DHX34: variants seen among roughly 807,000 people sequenced by gnomAD.
DHX34 encodes the protein DExH-box helicase 34.
In DHX34, 96 loss-of-function variants were observed where a neutral mutation model predicts 111.1. That is an observed-to-expected ratio of 0.86 (90% CI 0.73 to 1.02). The LOEUF (loss-of-function observed/expected upper bound fraction) is 1.02, where lower values mean the gene tolerates loss of function less well. DHX34 is among the 50% of genes least tolerant of loss of function. The pLI, the probability that DHX34 is intolerant of heterozygous loss-of-function variation, is 0.00. For missense variants in DHX34, 1,560 were observed against 1,579.9 expected, an observed-to-expected ratio of 0.99 and a Z score of 0.21; for synonymous variants, 688 against 670.4, an observed-to-expected ratio of 1.03 and a Z score of -0.41.
At chr19:47,354,569 G>A (rs922251307) in intron 2 of DHX34, among the ~76,000 whole-genome samples, 4 of 152,222 alleles carry the variant, frequency 2.6e-5, no homozygotes, top group Admixed American at 1.3e-4. Flanking sequence ...TTGGCACTAA[G>A]TGGCAGAGGT....
At chr19:47,374,150 A>C (rs1476365225) in intron 9 of DHX34, among the ~76,000 whole-genome samples, 1 of 152,112 alleles carries the variant, frequency 6.6e-6, no homozygotes, top group Admixed American at 6.5e-5. Context: ...TAAAAATAGC[A>C]CTTGCCAGCC....
chr19:47,376,129 G>T (rs1035882122), intron 11 of DHX34, 32 bp downstream of exon 11: 1 of 1,525,930 alleles, frequency 6.6e-7, no homozygotes, highest in Non-Finnish European at 8.8e-7. Context: ...CCTATGTTTT[G>T]TCCTCCAACA....
In DHX34 at chr19:47,376,122, A is replaced by G. The variant is rs140156879; in HGVS notation, c.2481+25A>G. On this transcript the variant is annotated intron_variant, in intron 11 of 16. Coordinates refer to ENST00000328771, the MANE Select transcript of DHX34 (RefSeq NM_014681.6). ...GGTGGGGCCTGTTCTGCCCCATCCT[A>G]TGTTTTGTCCTCCAACACACGAACC... is the stretch of plus-strand genomic sequence containing the variant. 2.0e-4 allele frequency: 310 copies of G among 1,529,220 alleles called. 1 individual carries two copies. In the African/African-American group the frequency reaches 3.0e-3, roughly 15 times the overall value. The allele number at this position is 1,529,220 out of a possible 1,614,324, so 94.7% of individuals were successfully genotyped here.
Position 47,376,055 on chromosome 19 carries a change from C to T in DHX34, c.2439C>T (p.Ala813=), listed in dbSNP as rs777759990. 2.4e-5 allele frequency: 38 copies of T among 1,583,036 alleles called. No homozygotes were observed. The highest frequency in any genetic ancestry group is 1.5e-4 in the South Asian group (13 of 88,468). The change falls in exon 11 of 17, where the codon GCC becomes GCT. Residue 813 remains alanine, a synonymous_variant. Coordinates refer to ENST00000328771, the MANE Select transcript of DHX34 (RefSeq NM_014681.6). ...GCCGGGGCCTGTACCCACAGCTGGCCGTCCCCGACGCCTTCAACAGCAGCC... is the reference window on the plus strand; with the variant it reads ...GCCGGGGCCTGTACCCACAGCTGGCTGTCCCCGACGCCTTCAACAGCAGCC... ...VLGRGLYPQL[A]VPDAFNSSRK... is the part of the protein sequence containing the mutation.
Position 47,379,962 on chromosome 19 carries a change from C to T in DHX34, c.2959C>T (p.Leu987Phe). 5 of 1,590,722 alleles carry T rather than the reference C, an allele frequency of 3.1e-6. 1 individual carries two copies. In the South Asian group the frequency reaches 5.5e-5, roughly 18 times the overall value. ...GGAGGTGGCCACCCTGAGCAAGGAA[C>T]TCCTGCAATTCACGGCATCCAAGGT... ...PKEVATLSKE[L>F]LQFTASKIPY... The change falls in exon 14 of 17, where the codon CTC becomes TTC. Residue 987 changes from leucine (L) to phenylalanine (F), a missense_variant. Leu to Phe is a conservative substitution (Grantham distance 22). Coordinates refer to ENST00000328771, the MANE Select transcript of DHX34 (RefSeq NM_014681.6).
intron 9 of DHX34, 80 bp from the exon 10 acceptor site, chr19:47,375,386 C>T (rs575628188): frequency 1.4e-6 from 2 of 1,457,898 alleles, no homozygotes; most frequent in African/African-American, 1.4e-5. Context: ...AGCCCTGCCA[C>T]TGGGAGGGTC....
chr19:47,373,430 G>T, intron 8 of DHX34, 169 bp from the exon 9 acceptor site: 1 of 973,156 alleles, frequency 1.0e-6, no homozygotes, highest in Non-Finnish European at 1.2e-6. Flanking sequence ...CCAGTTTGTG[G>T]GTAGTCTGGG....
intron 2 of DHX34, among the ~76,000 whole-genome samples, chr19:47,354,055 C>T (rs1003315538): frequency 1.2e-4 from 19 of 152,122 alleles, no homozygotes; most frequent in African/African-American, 1.7e-4. Context: ...CTCTGCCTCC[C>T]GGGTTCAAGC....
chr19:47,369,413 A>G (rs1246966395), intron 7 of DHX34, among the ~76,000 whole-genome samples: 1 of 152,168 alleles, frequency 6.6e-6, no homozygotes, highest in Non-Finnish European at 1.5e-5. Context: ...AACTGCTGGG[A>G]TTACAGGTGT....
rs1368436887 is a variant in DHX34, at chr19:47,381,255, C to T, written c.3229C>T (p.Pro1077Ser). Residue 1077 changes from proline (P) to serine (S), a missense_variant, in exon 16 of 17, where the codon CCC becomes TCC. Pro to Ser is a moderately conservative substitution (Grantham distance 74). Coordinates refer to ENST00000328771, the MANE Select transcript of DHX34 (RefSeq NM_014681.6). ...WTCPHCGLHA[P>S]LTPLERIAHE... Reference sequence around the variant, plus strand: ...CTGCCCCCACTGTGGCCTGCATGCGCCCCTCACGCCCCTGGAGCGCATCGC... The same window carrying T: ...CTGCCCCCACTGTGGCCTGCATGCGTCCCTCACGCCCCTGGAGCGCATCGC... 3 of 1,613,988 alleles carry T rather than the reference C, an allele frequency of 1.9e-6. No homozygotes were observed. The Admixed American group carries it at 5.0e-5, about 27-fold the overall frequency.
At chr19:47,357,142 C>A (rs117091881) in intron 3 of DHX34, among the ~76,000 whole-genome samples, 2,309 of 152,246 alleles carry the variant, frequency 0.015, 119 homozygotes, top group East Asian at 0.13. Flanking sequence ...AGCCAACCAA[C>A]CTGGCTCAGG....
chr19:47,349,772 T>A (rs1265587436), intron 1 of DHX34, among the ~76,000 whole-genome samples: 1 of 151,638 alleles, frequency 6.6e-6, no homozygotes, highest in Non-Finnish European at 1.5e-5. Context: ...TCGTGGACAC[T>A]AGAAACAGAA....
intron 8 of DHX34, 105 bp downstream of exon 8, chr19:47,373,028 G>A (rs1420945314): frequency 3.6e-6 from 5 of 1,377,610 alleles, no homozygotes. Context: ...CACCCTGGGA[G>A]GACCACTGAG....
chr19:47,362,664 A>T lies in DHX34; in HGVS notation c.1564A>T (p.Arg522Trp). The T allele has an allele frequency of 6.2e-7, 1 of 1,613,130 alleles. No individual in the cohort carries two copies. Among genetic ancestry groups the T allele is most frequent in the Non-Finnish European group, 8.5e-7 (1 of 1,179,852 alleles). Residue 522 changes from arginine to tryptophan, a missense_variant, in exon 6 of 17, where the codon AGG becomes TGG. By Grantham distance (101) the Arg-to-Trp change is moderately radical. Coordinates refer to ENST00000328771, the MANE Select transcript of DHX34 (RefSeq NM_014681.6). ...CCCCTACCCCGTCCCAGAAATTCGG[A>T]GGGTGGCCCTGGACTCGTTGGTGCT... ...FAPYPVPEIR[R>W]VALDSLVLQM...
In DHX34 at chr19:47,362,658, A is replaced by G. The variant is rs1969671214; in HGVS notation, c.1558A>G (p.Ile520Val). Residue 520 changes from isoleucine (I) to valine (V), a missense_variant, in exon 6 of 17, where the codon ATT becomes GTT. Coordinates refer to ENST00000328771, the MANE Select transcript of DHX34 (RefSeq NM_014681.6). ...DAFAPYPVPE[I>V]RRVALDSLVL... ...CTTCGCCCCCTACCCCGTCCCAGAA[A>G]TTCGGAGGGTGGCCCTGGACTCGTT... is the stretch of plus-strand genomic sequence containing the variant. 6.2e-7 allele frequency: 1 copy of G among 1,613,102 alleles called. No homozygotes were observed. The highest frequency in any genetic ancestry group is 1.7e-5 in the Admixed American group (1 of 59,954).
chr19:47,374,690 C>T (rs574511267), intron 9 of DHX34, among the ~76,000 whole-genome samples: 225 of 152,190 alleles, frequency 1.5e-3, no homozygotes, highest in Non-Finnish European at 2.6e-3. Flanking sequence ...TCTGGGGTCC[C>T]GGTGTTGGGG....
intron 12 of DHX34, 74 bp from the exon 13 acceptor site, chr19:47,377,026 G>A (rs572303838): frequency 1.2e-5 from 20 of 1,608,916 alleles, no homozygotes; most frequent in East Asian, 2.2e-5. Context: ...TACTTTGACC[G>A]GGTGGGACAG....
chr19:47,361,327 G>A (rs112820436), intron 5 of DHX34, among the ~76,000 whole-genome samples: 410 of 151,884 alleles, frequency 2.7e-3, no homozygotes, highest in African/African-American at 9.6e-3. Context: ...GCATGGTAGT[G>A]CGTGCTTGTA....
intron 5 of DHX34, 127 bp downstream of exon 5, chr19:47,360,197 A>G (rs908686335): frequency 6.2e-6 from 5 of 805,288 alleles, no homozygotes; most frequent in South Asian, 1.7e-5. Flanking sequence ...TCCCATATCC[A>G]AAATGCTTGC....
Sources: allele counts gnomAD v4.1 joint callset (sites outside exome capture counted in the v4.1 genomes callset), GRCh38; gene constraint gnomAD v4.1.1; transcripts MANE v1.5; gene names NCBI Gene and HGNC (gene_info 2026-07-23, HGNC 2026-07-21).